YWHAB: variants seen among roughly 807,000 people sequenced by gnomAD.
The protein encoded by YWHAB is tyrosine 3-monooxygenase/tryptophan 5-monooxygenase activation protein beta.
Under a neutral mutation model 28.5 loss-of-function variants are expected in YWHAB, and 2 were observed. The observed-to-expected ratio is 0.07, with a 90% CI of 0.03 to 0.22. The LOEUF (loss-of-function observed/expected upper bound fraction) is 0.22, where lower values mean the gene tolerates loss of function less well. Among genes scored for constraint, YWHAB ranks in the 10% least tolerant of loss-of-function variants. The pLI is 1.00. For synonymous variants in YWHAB, 103 were observed against 104.7 expected, an observed-to-expected ratio of 0.98 and a Z score of 0.10; for missense variants, 148 against 297.1, an observed-to-expected ratio of 0.50 and a Z score of 3.69.
Position 44,906,375 on chromosome 20 carries a change from C to T in YWHAB, c.685-7C>T. On this transcript the variant is annotated splice_polypyrimidine_tract_variant and splice_region_variant and intron_variant, in intron 5 of 5. Transcript: ENST00000353703. ...CCTGCTTTGATTATACTTCCTTTCTCTTGCAGCTGTGGACATCGGAAAACC... is the reference window on the plus strand; with the variant it reads ...CCTGCTTTGATTATACTTCCTTTCTTTTGCAGCTGTGGACATCGGAAAACC... 7.4e-6 allele frequency: 12 copies of T among 1,612,900 alleles called. No homozygotes were observed. Among genetic ancestry groups the T allele is most frequent in the South Asian group, 6.6e-5 (6 of 91,004 alleles).
chr20:44,908,358 A>G lies in YWHAB; in HGVS notation c.*1920A>G, dbSNP rs954955242. The G allele has an allele frequency of 3.9e-5, 6 of 152,638 alleles. No individual in the cohort carries two copies. The highest frequency in any genetic ancestry group is 2.6e-4 in the Admixed American group (4 of 15,278). 9.5% of individuals were successfully genotyped at this position (152,638 alleles called of 1,614,324 possible). On this transcript the variant is annotated 3_prime_UTR_variant, in exon 6 of 6. Transcript: ENST00000353703. ...TCTGTGATGGTTATATTGCCTAGCA[A>G]GCACACCCGTGGTTGTGAAAATAGT...
intron 1 of YWHAB, among the ~76,000 whole-genome samples, chr20:44,900,207 C>T (rs902775717): frequency 6.6e-6 from 1 of 152,098 alleles, no homozygotes; most frequent in East Asian, 1.9e-4. Flanking sequence ...ACCACCACAC[C>T]CAGCCAATTT....
At chr20:44,903,011 T>C in intron 2 of YWHAB, 6 of 979,712 alleles carry the variant, frequency 6.1e-6, no homozygotes, top group Non-Finnish European at 7.3e-6. Context: ...GAAGAAGAGC[T>C]TGGTACTTAC....
In YWHAB at chr20:44,908,411, T is replaced by C. The variant is rs924542090; in HGVS notation, c.*1973T>C. On this transcript the variant is annotated 3_prime_UTR_variant, in exon 6 of 6. Transcript: ENST00000353703. ...AGCAAAAAAGAAAAATCCCCGGTTA[T>C]TGATGTACTAGATTTGTGTATGTCT... 2.0e-5 allele frequency: 3 copies of C among 152,662 alleles called. No individual in the cohort carries two copies. The highest frequency in any genetic ancestry group is 7.2e-5 in the African/African-American group (3 of 41,460). 9.5% of individuals were successfully genotyped at this position (152,662 alleles called of 1,614,324 possible).
chr20:44,894,900 C>G (rs2066586880), intron 1 of YWHAB, among the ~76,000 whole-genome samples: 1 of 152,256 alleles, frequency 6.6e-6, no homozygotes, highest in Non-Finnish European at 1.5e-5. Context: ...GTTCCTTGTG[C>G]TCTCCCAATA....
intron 1 of YWHAB, among the ~76,000 whole-genome samples, chr20:44,898,984 T>C (rs2145533891): frequency 6.6e-6 from 1 of 151,798 alleles, no homozygotes; most frequent in East Asian, 2.0e-4. Flanking sequence ...AGTGTGGTGG[T>C]GCATGCCAGC....
At chr20:44,894,482 A>C (rs2066583878) in intron 1 of YWHAB, among the ~76,000 whole-genome samples, 1 of 152,214 alleles carries the variant, frequency 6.6e-6, no homozygotes, top group Admixed American at 6.5e-5. Flanking sequence ...AAACTAATGG[A>C]TAAACTTCAG....
At chr20:44,896,003 G>C (rs937988857) in intron 1 of YWHAB, among the ~76,000 whole-genome samples, 3 of 152,166 alleles carry the variant, frequency 2.0e-5, no homozygotes, top group Non-Finnish European at 4.4e-5. Flanking sequence ...TATGTCCAAA[G>C]GAGCTTATGG....
In YWHAB at chr20:44,906,501, CG is replaced by C; in HGVS notation, c.*64del. 1.8e-6 allele frequency: 1 copy of C among 563,736 alleles called. No individual in the cohort carries two copies. Among genetic ancestry groups the C allele is most frequent in the South Asian group, 5.0e-5 (1 of 19,914 alleles). 34.9% of individuals were successfully genotyped at this position (563,736 alleles called of 1,614,324 possible). A position where few individuals can be genotyped will look rare whatever the true frequency, so the allele number is the denominator to read the frequency against. On this transcript the variant is annotated 3_prime_UTR_variant, in exon 6 of 6. Coordinates refer to ENST00000353703, the MANE Select transcript of YWHAB (RefSeq NM_139323.4). ...GTACCCTCAACATATATCCCTTGTG[CG>C]ATAAAAAAAAAAAAAAAAAAAAAAA...
Position 44,906,596 on chromosome 20 carries a change from G to T in YWHAB, c.*158G>T. 1.9e-6 allele frequency: 1 copy of T among 529,376 alleles called. No homozygotes were observed. Among genetic ancestry groups the T allele is most frequent in the Non-Finnish European group, 3.2e-6 (1 of 315,708 alleles). 32.8% of individuals were successfully genotyped at this position (529,376 alleles called of 1,614,324 possible). A position where few individuals can be genotyped will look rare whatever the true frequency, so the allele number is the denominator to read the frequency against. On this transcript the variant is annotated 3_prime_UTR_variant, in exon 6 of 6. Coordinates refer to ENST00000353703, the MANE Select transcript of YWHAB (RefSeq NM_139323.4). ...GGAAAAATGGTTCATGGGATAAACA[G>T]CTGGTATTTGTATCTAAAACTCAGA... is the stretch of plus-strand genomic sequence containing the variant.
At chr20:44,891,897 C>T (rs549139811) in intron 1 of YWHAB, among the ~76,000 whole-genome samples, 8 of 152,268 alleles carry the variant, frequency 5.3e-5, no homozygotes, top group Admixed American at 4.6e-4. Flanking sequence ...AAATTTATTA[C>T]AGGACTCTAA....
intron 1 of YWHAB, among the ~76,000 whole-genome samples, chr20:44,893,349 C>G (rs193102176): frequency 3.3e-5 from 5 of 152,168 alleles, no homozygotes; most frequent in Non-Finnish European, 1.5e-5. Context: ...AGCTGTTTAT[C>G]TGCACTAGTG....
rs1454868898 is a variant in YWHAB at position 44,906,550 on chromosome 20, A to G, written c.*112A>G. 109 of 966,476 alleles carry G rather than the reference A, an allele frequency of 1.1e-4. No homozygotes were observed. The highest frequency in any genetic ancestry group is 1.5e-4 in the Non-Finnish European group (104 of 682,456). 59.9% of individuals were successfully genotyped at this position (966,476 alleles called of 1,614,324 possible). A position where few individuals can be genotyped will look rare whatever the true frequency, so the allele number is the denominator to read the frequency against. ...AAAGAGAATCGTACGTCGACTTTCG[A>G]TTTTTCACAGCCTCAGCCTAGGAAA... On this transcript the variant is annotated 3_prime_UTR_variant, in exon 6 of 6. Transcript: ENST00000353703.
At chr20:44,902,046 T>C in intron 2 of YWHAB, 1 of 476,918 alleles carries the variant, frequency 2.1e-6, no homozygotes, top group Non-Finnish European at 3.5e-6. Context: ...GATACTTTCC[T>C]CTCCTATCAA....
At chr20:44,894,817 C>T (rs190819343) in intron 1 of YWHAB, among the ~76,000 whole-genome samples, 5 of 152,360 alleles carry the variant, frequency 3.3e-5, no homozygotes, top group African/African-American at 7.2e-5. Context: ...GCTCACATGG[C>T]TGTATAGTGG....
chr20:44,893,252 C>T (rs2066574183), intron 1 of YWHAB, among the ~76,000 whole-genome samples: 1 of 152,268 alleles, frequency 6.6e-6, no homozygotes, highest in South Asian at 2.1e-4. Flanking sequence ...CCTAGATCCT[C>T]TATTTTCAGC....
rs775632748 is a variant in YWHAB at position 44,906,504 on chromosome 20, T to TAAAAAAAA, written c.*82_*89dup. The TAAAAAAAA allele has an allele frequency of 5.6e-6, 2 of 358,370 alleles. No homozygotes were observed. Among genetic ancestry groups the TAAAAAAAA allele is most frequent in the Admixed American group, 7.8e-5 (1 of 12,784 alleles). 22.2% of individuals were successfully genotyped at this position (358,370 alleles called of 1,614,324 possible). ...CCCTCAACATATATCCCTTGTGCGA[T>TAAAAAAAA]AAAAAAAAAAAAAAAAAAAAAAAGA... On this transcript the variant is annotated 3_prime_UTR_variant, in exon 6 of 6. Coordinates refer to ENST00000353703, the MANE Select transcript of YWHAB (RefSeq NM_139323.4).
intron 2 of YWHAB, chr20:44,902,796 T>G (rs1347702568): frequency 1.3e-5 from 2 of 152,344 alleles, no homozygotes; most frequent in Admixed American, 1.3e-4. Context: ...GCATTGAGCT[T>G]CTCTTTTTAT....
In YWHAB at chr20:44,907,554, A is replaced by G. The variant is rs2072181555; in HGVS notation, c.*1116A>G. On this transcript the variant is annotated 3_prime_UTR_variant, in exon 6 of 6. Transcript: ENST00000353703. Reference sequence around the variant, plus strand: ...AGGTTCTTCCTAGCTCGGGGCTTTTAAATTTTGAAATCTAAACATTCTTTC... The same window carrying G: ...AGGTTCTTCCTAGCTCGGGGCTTTTGAATTTTGAAATCTAAACATTCTTTC... 1 of 152,222 alleles carries G rather than the reference A, an allele frequency of 6.6e-6. No homozygotes were observed. Among genetic ancestry groups the G allele is most frequent in the Non-Finnish European group, 1.5e-5 (1 of 68,036 alleles). 9.4% of individuals were successfully genotyped at this position (152,222 alleles called of 1,614,324 possible).
Sources: allele counts gnomAD v4.1 joint callset (sites outside exome capture counted in the v4.1 genomes callset), GRCh38; gene constraint gnomAD v4.1.1; transcripts MANE v1.5; gene names NCBI Gene and HGNC (gene_info 2026-07-23, HGNC 2026-07-21).